Variants in DISC1 observed in about 807,000 individuals in gnomAD.
The protein encoded by DISC1 is disrupted in schizophrenia 1 protein.
Under a neutral mutation model 84.5 loss-of-function variants are expected in DISC1, and 57 were observed. The ratio of observed to expected loss-of-function variants is 0.67; its 90% CI spans 0.55 to 0.84. DISC1 has a LOEUF of 0.84. DISC1 is among the 40% of genes least tolerant of loss of function. The pLI, the probability that DISC1 is intolerant of heterozygous loss-of-function variation, is 0.00. For missense variants in DISC1, 1,000 were observed against 1,057.8 expected (o/e 0.95, Z 0.76); for synonymous variants, 411 against 415.2 (o/e 0.99, Z 0.12).
Position 232,026,444 on chromosome 1 carries a change from A to G in DISC1, c.2317A>G (p.Ile773Val). 6.2e-7 allele frequency: 1 copy of G among 1,602,090 alleles called. No homozygotes were observed. The highest frequency in any genetic ancestry group is 8.5e-7 in the Non-Finnish European group (1 of 1,173,606). Residue 773 changes from isoleucine to valine, a missense_variant, in exon 12 of 13, where the codon ATC becomes GTC. Transcript: ENST00000439617. ...AGGEQKEESY[I>V]LSAELGEKCE... is the part of the protein sequence containing the mutation. ...TTCCCCCTCTCGCCAGGAATCTTAC[A>G]TCCTTTCTGCAGAACTTGGAGAAAA...
chr1:231,882,561 G>A (rs905171761), intron 9 of DISC1, among the ~76,000 whole-genome samples: 7 of 152,228 alleles, frequency 4.6e-5, no homozygotes, highest in South Asian at 2.1e-4. Context: ...TAATCAAAAC[G>A]TATTAGATAT....
intron 11 of DISC1, among the ~76,000 whole-genome samples, chr1:232,014,878 G>A (rs72762363): frequency 0.039 from 5,985 of 152,256 alleles, 210 homozygotes; most frequent in East Asian, 0.16. Flanking sequence ...ATGGAAACAA[G>A]CACTTGTTTT....
At chr1:231,731,791 G>A (rs199968252) in intron 3 of DISC1, among the ~76,000 whole-genome samples, 15 of 152,160 alleles carry the variant, frequency 9.9e-5, no homozygotes, top group African/African-American at 1.9e-4. Context: ...CTTATAAAGC[G>A]TCTTTAAGTG....
chr1:231,824,039 A>G (rs1441598782), intron 9 of DISC1, among the ~76,000 whole-genome samples: 1 of 152,190 alleles, frequency 6.6e-6, no homozygotes, highest in African/African-American at 2.4e-5. Flanking sequence ...AATTTCTGAC[A>G]TTATTTCAAG....
intron 10 of DISC1, among the ~76,000 whole-genome samples, chr1:231,970,634 C>T (rs1233935946): frequency 1.3e-5 from 2 of 151,868 alleles, no homozygotes; most frequent in Non-Finnish European, 2.9e-5. Flanking sequence ...TGAAAGATAG[C>T]CTGAAGAAAA....
intron 3 of DISC1, chr1:231,702,702 G>A (rs2066567578): frequency 9.9e-6 from 6 of 606,220 alleles, no homozygotes; most frequent in Middle Eastern, 8.3e-4. Flanking sequence ...TGGGCTGCAA[G>A]CAGATGAGGG....
intron 8 of DISC1, among the ~76,000 whole-genome samples, chr1:231,810,346 G>A (rs537903658): frequency 7.7e-4 from 118 of 152,348 alleles, no homozygotes; most frequent in African/African-American, 2.7e-3. Context: ...GGTACAGACA[G>A]TGGCTGGGAG....
At chr1:231,969,918 A>G (rs1314618342) in intron 10 of DISC1, among the ~76,000 whole-genome samples, 2 of 152,174 alleles carry the variant, frequency 1.3e-5, no homozygotes, top group African/African-American at 4.8e-5. Flanking sequence ...GTGCCTACAA[A>G]GGACATGAGC....
At chr1:231,824,709 A>G (rs1396563492) in intron 9 of DISC1, among the ~76,000 whole-genome samples, 1 of 152,210 alleles carries the variant, frequency 6.6e-6, no homozygotes, top group African/African-American at 2.4e-5. Context: ...GTGTCAGTTT[A>G]ATCTCAGTCC....
At chr1:231,638,375 C>A (rs765766997) in intron 1 of DISC1, among the ~76,000 whole-genome samples, 4 of 152,052 alleles carry the variant, frequency 2.6e-5, no homozygotes, top group Non-Finnish European at 5.9e-5. Context: ...GTTGTTGTTG[C>A]CTGTGCTTTT....
chr1:231,664,214 G>C (rs1269060609), intron 1 of DISC1, among the ~76,000 whole-genome samples: 1 of 152,092 alleles, frequency 6.6e-6, no homozygotes, highest in Non-Finnish European at 1.5e-5. Context: ...ACATGAAAGA[G>C]TCAAGGTTTG....
At chr1:231,794,141 T>G (rs1408262353) in intron 6 of DISC1, among the ~76,000 whole-genome samples, 1 of 152,132 alleles carries the variant, frequency 6.6e-6, no homozygotes, top group Non-Finnish European at 1.5e-5. Flanking sequence ...CCCATCCTTC[T>G]CTCTCTTTTC....
intron 9 of DISC1, among the ~76,000 whole-genome samples, chr1:231,934,030 C>T (rs1304337318): frequency 6.6e-6 from 1 of 152,154 alleles, no homozygotes; most frequent in Non-Finnish European, 1.5e-5. Flanking sequence ...CCAATATTCA[C>T]TCACCTTTTC....
chr1:232,026,762 C>CTTTTTTTTTTTTTTTTTTTTTTTTT (rs545455868), intron 12 of DISC1, among the ~76,000 whole-genome samples: 1 of 110,878 alleles, frequency 9.0e-6, no homozygotes, highest in African/African-American at 3.4e-5. Flanking sequence ...TTTCTTTTTT[C>CTTTTTTTTTTTTTTTTTTTTTTTTT]TTTTTTTTTT....
At chr1:231,682,974 G>A (rs2125565649) in intron 1 of DISC1, among the ~76,000 whole-genome samples, 1 of 152,350 alleles carries the variant, frequency 6.6e-6, no homozygotes, top group South Asian at 2.1e-4. Context: ...TACTGATGAA[G>A]AAAGTGAGAC....
At chr1:231,701,921 A>C in intron 2 of DISC1, 34 bp from the exon 3 acceptor site, 1 of 1,541,752 alleles carries the variant, frequency 6.5e-7, no homozygotes, top group Non-Finnish European at 8.8e-7. Flanking sequence ...ATTCTATTGT[A>C]ATTTTTTATT....
chr1:231,984,833 T>C (rs1421635160), intron 10 of DISC1, among the ~76,000 whole-genome samples: 1 of 151,996 alleles, frequency 6.6e-6, no homozygotes, highest in Non-Finnish European at 1.5e-5. Flanking sequence ...GAGATGTAGA[T>C]TAGGGGCCGA....
In DISC1 at chr1:231,767,203, T is replaced by G; in HGVS notation, c.1332T>G (p.Ala444=). The change falls in exon 5 of 13, where the codon GCT becomes GCG. Residue 444 remains alanine, a synonymous_variant. Coordinates refer to ENST00000439617, the MANE Select transcript of DISC1 (RefSeq NM_018662.3). ...AGCCGAGGCTGTTGGAACCCACTGC[T>G]CAGGACAGCTTGCACGTGTCCATCA... ...RMEPRLLEPT[A]QDSLHVSITR... is the part of the protein sequence containing the mutation. The G allele has an allele frequency of 6.2e-7, 1 of 1,614,208 alleles. No individual in the cohort carries two copies. The highest frequency in any genetic ancestry group is 2.2e-5 in the East Asian group (1 of 44,880).
intron 3 of DISC1, among the ~76,000 whole-genome samples, chr1:231,713,687 A>G (rs191438152): frequency 1.6e-5 from 2 of 121,730 alleles, no homozygotes; most frequent in Non-Finnish European, 3.3e-5. Context: ...GCAGATATAT[A>G]TATATATATA....
Sources: allele counts gnomAD v4.1 joint callset (sites outside exome capture counted in the v4.1 genomes callset), GRCh38; gene constraint gnomAD v4.1.1; transcripts MANE v1.5; gene names NCBI Gene and HGNC (gene_info 2026-07-23, HGNC 2026-07-21).